Variants in PAFAH1B2 observed in about 807,000 individuals in gnomAD.
PAFAH1B2 encodes the protein platelet-activating factor acetylhydrolase IB subunit alpha2.
In PAFAH1B2, 8 loss-of-function variants were observed where a neutral mutation model predicts 28.0. The ratio of observed to expected loss-of-function variants is 0.29; its 90% CI spans 0.17 to 0.52. The LOEUF (loss-of-function observed/expected upper bound fraction) is 0.52, where lower values mean the gene tolerates loss of function less well. Ranked by LOEUF, PAFAH1B2 falls within the 20% of genes least tolerant of loss-of-function variation. The pLI, the probability that PAFAH1B2 is intolerant of heterozygous loss-of-function variation, is 0.97. For missense variants in PAFAH1B2, 190 were observed against 282.6 expected (o/e 0.67, Z 2.35); for synonymous variants, 104 against 103.2 (o/e 1.01, Z -0.05).
chr11:117,149,430 G>GTTTTTTTTTTTTTTTTTTTTTTTT lies in PAFAH1B2; in HGVS notation c.-7-2997_-7-2996insTTTTTTTTTTTTTTTTTTTTTTTT, dbSNP rs746125678. ...TTAATTTAAAAAAAGTTTTCTAATC[G>GTTTTTTTTTTTTTTTTTTTTTTTT]TTTTTTTTTTTTTTGAGATGGAGTC... On this transcript the variant is annotated intron_variant, in intron 1 of 5. Coordinates refer to ENST00000527958, the MANE Select transcript of PAFAH1B2 (RefSeq NM_002572.4). Among the ~76,000 whole-genome samples the GTTTTTTTTTTTTTTTTTTTTTTTT allele has an allele frequency of 2.0e-4, 17 of 86,086 alleles. 5 individuals are homozygous for GTTTTTTTTTTTTTTTTTTTTTTTT. The highest frequency in any genetic ancestry group is 2.4e-4 in the Non-Finnish European group (11 of 46,490). The allele number at this position is 86,086 out of a possible 152,430, so 56.5% of individuals were successfully genotyped here.
chr11:117,144,724 G>T (rs1235188826), intron 1 of PAFAH1B2, among the ~76,000 whole-genome samples: 2 of 152,168 alleles, frequency 1.3e-5, no homozygotes, highest in East Asian at 3.9e-4. Flanking sequence ...TCCCAGGAGG[G>T]TAGCGCGGCG....
chr11:117,166,431 A>C (rs1258364989), intron 5 of PAFAH1B2, among the ~76,000 whole-genome samples: 1 of 152,246 alleles, frequency 6.6e-6, no homozygotes, highest in Non-Finnish European at 1.5e-5. Context: ...GTTGTCCATA[A>C]TACTAAAACT....
intron 3 of PAFAH1B2, among the ~76,000 whole-genome samples, 160 bp downstream of exon 3, chr11:117,160,183 T>C (rs1216787900): frequency 6.6e-6 from 1 of 152,224 alleles, no homozygotes; most frequent in African/African-American, 2.4e-5. Flanking sequence ...GATTTTCTTT[T>C]CTTTCTTTTA....
chr11:117,174,207 G>GTGTGTGTGT (rs1956731999), downstream of PAFAH1B2, among the ~76,000 whole-genome samples: 4 of 64,870 alleles, frequency 6.2e-5, no homozygotes, highest in Non-Finnish European at 1.3e-4. Flanking sequence ...TGTGTGTGTG[G>GTGTGTGTGT]CAGTTTCACT....
downstream of PAFAH1B2, chr11:117,174,826 G>A (rs1043059087): frequency 4.1e-6 from 4 of 982,710 alleles, no homozygotes; most frequent in Non-Finnish European, 4.4e-6. Flanking sequence ...TGTTGGCCAG[G>A]CTGGTCTCAA....
exon 6 of PAFAH1B2, chr11:117,176,181 C>T: frequency 2.0e-6 from 1 of 507,686 alleles, no homozygotes; most frequent in Non-Finnish European, 3.5e-6. Flanking sequence ...GAGGGGTTGG[C>T]CAAGGAAACC....
downstream of PAFAH1B2, among the ~76,000 whole-genome samples, chr11:117,172,661 C>T (rs1956699543): frequency 6.6e-6 from 1 of 151,976 alleles, no homozygotes; most frequent in Non-Finnish European, 1.5e-5. Flanking sequence ...GTTGGGAGCC[C>T]CCTATCTGGA....
downstream of PAFAH1B2, among the ~76,000 whole-genome samples, chr11:117,172,310 T>C (rs1346504240): frequency 6.9e-6 from 1 of 145,694 alleles, no homozygotes; most frequent in Non-Finnish European, 1.5e-5. Context: ...CCTGATATTA[T>C]GCTATGCCTT....
At chr11:117,152,620 G>A in intron 2 of PAFAH1B2, 92 bp downstream of exon 2, 1 of 890,446 alleles carries the variant, frequency 1.1e-6, no homozygotes, top group Non-Finnish European at 1.9e-6. Context: ...GTCTCACTGT[G>A]TTGCCCAGGC....
In PAFAH1B2 at chr11:117,144,343, C is replaced by G. The variant is rs1955939593; in HGVS notation, c.-83C>G. ...GAGGGACGCGCCGGAGCGGGACCGACGGGACCGAGCGAGCGACCGACGCGC... is the reference window on the plus strand; with the variant it reads ...GAGGGACGCGCCGGAGCGGGACCGAGGGGACCGAGCGAGCGACCGACGCGC... On this transcript the variant is annotated 5_prime_UTR_variant, in exon 1 of 6. Coordinates refer to ENST00000527958, the MANE Select transcript of PAFAH1B2 (RefSeq NM_002572.4). The G allele has an allele frequency of 2.4e-6, 1 of 420,762 alleles. No homozygotes were observed. Among genetic ancestry groups the G allele is most frequent in the Non-Finnish European group, 4.8e-6 (1 of 207,352 alleles). 26.1% of individuals were successfully genotyped at this position (420,762 alleles called of 1,614,324 possible). A position where few individuals can be genotyped will look rare whatever the true frequency, so the allele number is the denominator to read the frequency against.
At chr11:117,146,304 G>A (rs1329396508) in intron 1 of PAFAH1B2, among the ~76,000 whole-genome samples, 1 of 151,636 alleles carries the variant, frequency 6.6e-6, no homozygotes, top group African/African-American at 2.4e-5. Context: ...CGTTGGCCAG[G>A]CAGGTCTTGA....
rs2134221212 is a variant in PAFAH1B2, at chr11:117,168,945, C to CA, written c.*1247dup. ...AGCTGGGATTACAGGTGCATGCCAC[C>CA]ATGCCCGGCTAATTTTTATATTTTT... On this transcript the variant is annotated 3_prime_UTR_variant, in exon 6 of 6. Coordinates refer to ENST00000527958, the MANE Select transcript of PAFAH1B2 (RefSeq NM_002572.4). The CA allele has an allele frequency of 1.4e-5, 4 of 286,974 alleles. No homozygotes were observed. The highest frequency in any genetic ancestry group is 2.2e-5 in the Non-Finnish European group (4 of 181,122). 17.8% of individuals were successfully genotyped at this position (286,974 alleles called of 1,614,324 possible). A position where few individuals can be genotyped will look rare whatever the true frequency, so the allele number is the denominator to read the frequency against.
Position 117,170,340 on chromosome 11 carries a change from C to CGAAG in PAFAH1B2, c.*2642_*2643insAAGG, listed in dbSNP as rs1565276856. The CGAAG allele has an allele frequency of 9.4e-7, 1 of 1,060,706 alleles. No homozygotes were observed. Among genetic ancestry groups the CGAAG allele is most frequent in the Non-Finnish European group, 1.1e-6 (1 of 877,458 alleles). The allele number at this position is 1,060,706 out of a possible 1,614,324, so 65.7% of individuals were successfully genotyped here. ...CAGCAAATTTGTATTCCTTCGCCCA[C>CGAAG]GCATTCCTGCTATACTAGATGGCAG... On this transcript the variant is annotated 3_prime_UTR_variant, in exon 6 of 6. Transcript: ENST00000527958.
intron 2 of PAFAH1B2, among the ~76,000 whole-genome samples, chr11:117,156,346 A>T (rs1956254650): frequency 6.6e-6 from 1 of 152,210 alleles, no homozygotes; most frequent in African/African-American, 2.4e-5. Flanking sequence ...AACAACTCTA[A>T]AATGGAGTTG....
rs561356413 is a variant in PAFAH1B2 at position 117,164,346 on chromosome 11, A to G, written c.411+454A>G. ...GGCGTGAACTTGGGAGGCAGAGCTT[A>G]CAGTGAGCAGAGATTGTGCCACTGC... On this transcript the variant is annotated intron_variant, in intron 5 of 5. Transcript: ENST00000527958. Among the ~76,000 whole-genome samples the G allele has an allele frequency of 7.2e-5, 11 of 152,062 alleles. No homozygotes were observed. In the South Asian group the frequency reaches 8.3e-4, roughly 12 times the overall value.
intron 1 of PAFAH1B2, among the ~76,000 whole-genome samples, chr11:117,145,959 A>G (rs1366431800): frequency 6.6e-6 from 1 of 152,168 alleles, no homozygotes; most frequent in Non-Finnish European, 1.5e-5. Flanking sequence ...GAATATAGAA[A>G]AGGCAGGAAA....
rs1303466241 is a variant in PAFAH1B2, at chr11:117,144,324, C to G, written c.-102C>G. 5.0e-6 allele frequency: 2 copies of G among 402,512 alleles called. No homozygotes were observed. The highest frequency in any genetic ancestry group is 1.0e-5 in the Non-Finnish European group (2 of 196,610). The allele number at this position is 402,512 out of a possible 1,614,324, so 24.9% of individuals were successfully genotyped here. ...GCTGGTGCTGGGGCCGGAGGAGGGA[C>G]GCGCCGGAGCGGGACCGACGGGACC... On this transcript the variant is annotated 5_prime_UTR_variant, in exon 1 of 6. Transcript: ENST00000527958.
At chr11:117,175,583 CAG>C (rs1417133548), downstream of PAFAH1B2, 7 of 1,142,424 alleles carry the variant, frequency 6.1e-6, no homozygotes, top group African/African-American at 1.6e-5. Flanking sequence ...AGGGAGCAAA[CAG>C]AAATAGTGAT....
intron 1 of PAFAH1B2, among the ~76,000 whole-genome samples, chr11:117,149,460 T>C (rs555013344): frequency 1.2e-5 from 1 of 83,060 alleles, no homozygotes; most frequent in African/African-American, 4.3e-5. Context: ...GGAGTCTCGC[T>C]CTGTCCCCCA....
Sources: allele counts gnomAD v4.1 joint callset (sites outside exome capture counted in the v4.1 genomes callset), GRCh38; gene constraint gnomAD v4.1.1; transcripts MANE v1.5; gene names NCBI Gene and HGNC (gene_info 2026-07-23, HGNC 2026-07-21).